GALNT7: variants seen among roughly 807,000 people sequenced by gnomAD.
GALNT7 encodes N-acetylgalactosaminyltransferase 7.
In GALNT7, 60 loss-of-function variants were observed where a neutral mutation model predicts 82.1. That is an observed-to-expected ratio of 0.73 (90% CI 0.59 to 0.91). GALNT7 has a LOEUF of 0.91. Ranked by LOEUF, GALNT7 falls within the 40% of genes least tolerant of loss-of-function variation. The pLI is 0.00. For missense variants in GALNT7, 660 were observed against 804.2 expected, an observed-to-expected ratio of 0.82 and a Z score of 2.17; for synonymous variants, 243 against 275.1, an observed-to-expected ratio of 0.88 and a Z score of 1.15.
At position 173,314,177 on chromosome 4, in the gene GALNT7, G is replaced by A. The variant is rs1737501818; in HGVS notation, c.1608+1G>A. ...ACCCAAAAATGTTGACTGGGGAGAA[G>A]TAAGTAGTCACATCTCAAAATGTAT... On this transcript the variant is annotated splice_donor_variant, in intron 9 of 11. Coordinates refer to ENST00000265000, the MANE Select transcript of GALNT7 (RefSeq NM_017423.3). LOFTEE classifies it high-confidence loss of function. 1.3e-6 allele frequency: 2 copies of A among 1,563,438 alleles called. No homozygotes were observed. The highest frequency in any genetic ancestry group is 1.4e-5 in the African/African-American group (1 of 73,898).
chr4:173,261,392 T>TG (rs1294233051), intron 2 of GALNT7, among the ~76,000 whole-genome samples: 2 of 150,676 alleles, frequency 1.3e-5, no homozygotes, highest in African/African-American at 2.4e-5. Flanking sequence ...TTTTTTTTGT[T>TG]TTTTTTTTTC....
chr4:173,259,940 T>C (rs1232513743), intron 2 of GALNT7, among the ~76,000 whole-genome samples: 5 of 152,086 alleles, frequency 3.3e-5, no homozygotes, highest in African/African-American at 7.2e-5. Context: ...GCCCGGCCCA[T>C]TTCTTGTATT....
intron 1 of GALNT7, among the ~76,000 whole-genome samples, chr4:173,181,171 T>C (rs1402819939): frequency 6.6e-6 from 1 of 152,214 alleles, no homozygotes; most frequent in Non-Finnish European, 1.5e-5. Context: ...TAGATGTTCT[T>C]AAACTAAAAG....
intron 2 of GALNT7, among the ~76,000 whole-genome samples, chr4:173,258,940 A>C (rs1031056348): frequency 6.6e-6 from 1 of 152,234 alleles, no homozygotes; most frequent in African/African-American, 2.4e-5. Flanking sequence ...CAATCTCGGC[A>C]CTTGACATTT....
chr4:173,296,012 A>G (rs929648773), intron 5 of GALNT7, among the ~76,000 whole-genome samples, 169 bp downstream of exon 5: 24 of 152,102 alleles, frequency 1.6e-4, no homozygotes, highest in Admixed American at 4.6e-4. Flanking sequence ...GATACTGTGG[A>G]CTGATTTAAA....
Position 173,323,402 on chromosome 4 carries a change from C to T in GALNT7, c.*1685C>T, listed in dbSNP as rs1737892724. The T allele has an allele frequency of 6.6e-6, 1 of 152,486 alleles. No homozygotes were observed. Among genetic ancestry groups the T allele is most frequent in the African/African-American group, 2.4e-5 (1 of 41,426 alleles). The allele number at this position is 152,486 out of a possible 1,614,324, so 9.4% of individuals were successfully genotyped here. ...TATTTTGCTACTGATCTGTGATCAA[C>T]CATTTTAACTTTCATCTCTAGGGAT... On this transcript the variant is annotated 3_prime_UTR_variant, in exon 12 of 12. Coordinates refer to ENST00000265000, the MANE Select transcript of GALNT7 (RefSeq NM_017423.3).
chr4:173,206,163 G>A (rs953776569), intron 1 of GALNT7, among the ~76,000 whole-genome samples: 14 of 152,172 alleles, frequency 9.2e-5, no homozygotes, highest in African/African-American at 3.4e-4. Context: ...TTTTATTGAG[G>A]CAAGCTTCAT....
At chr4:173,214,408 C>CTGT (rs1733377386) in intron 1 of GALNT7, among the ~76,000 whole-genome samples, 1 of 152,128 alleles carries the variant, frequency 6.6e-6, no homozygotes. Context: ...CCAGATCACT[C>CTGT]TGTAAGGTCA....
chr4:173,239,938 CT>C (rs1238896959), intron 1 of GALNT7, among the ~76,000 whole-genome samples: 1 of 152,122 alleles, frequency 6.6e-6, no homozygotes, highest in African/African-American at 2.4e-5. Flanking sequence ...CTATATACTT[CT>C]GAGTAAATAT....
In GALNT7 at chr4:173,281,346, G is replaced by A. The variant is rs189691743; in HGVS notation, c.588-10762G>A. ...CTTTCCTCACCAGACCCACTATGGG[G>A]ACTTATCTCCATTTTGGCCCTCACT... On this transcript the variant is annotated intron_variant, in intron 2 of 11. Coordinates refer to ENST00000265000, the MANE Select transcript of GALNT7 (RefSeq NM_017423.3). Among the ~76,000 whole-genome samples the A allele has an allele frequency of 2.0e-3, 306 of 152,266 alleles. 2 individuals carry two copies. Among genetic ancestry groups the A allele is most frequent in the African/African-American group, 7.1e-3 (295 of 41,554 alleles).
chr4:173,319,710 T>C (rs1383738239), intron 11 of GALNT7, among the ~76,000 whole-genome samples: 1 of 152,176 alleles, frequency 6.6e-6, no homozygotes, highest in Non-Finnish European at 1.5e-5. Flanking sequence ...GTGTTAGATA[T>C]TACTGAACAT....
At chr4:173,188,674 T>C (rs1438225146) in intron 1 of GALNT7, among the ~76,000 whole-genome samples, 1 of 152,206 alleles carries the variant, frequency 6.6e-6, no homozygotes, top group Non-Finnish European at 1.5e-5. Flanking sequence ...CTCGCTGAAT[T>C]CTGCCTTGAG....
intron 1 of GALNT7, among the ~76,000 whole-genome samples, chr4:173,189,358 C>A (rs1298860811): frequency 6.6e-6 from 1 of 152,174 alleles, no homozygotes; most frequent in African/African-American, 2.4e-5. Flanking sequence ...GAAACCCCAA[C>A]GTTAAGTGGT....
intron 1 of GALNT7, among the ~76,000 whole-genome samples, chr4:173,221,990 C>T (rs149824855): frequency 2.2e-3 from 328 of 152,218 alleles, no homozygotes; most frequent in Non-Finnish European, 3.8e-3. Flanking sequence ...AATACAAGCC[C>T]GAATTCGATT....
At chr4:173,261,073 C>T (rs961389930) in intron 2 of GALNT7, among the ~76,000 whole-genome samples, 4 of 152,162 alleles carry the variant, frequency 2.6e-5, no homozygotes, top group African/African-American at 7.2e-5. Flanking sequence ...GTATAATTGT[C>T]GTCTACATTA....
chr4:173,224,055 T>C (rs768637706), intron 1 of GALNT7, among the ~76,000 whole-genome samples: 7 of 152,218 alleles, frequency 4.6e-5, no homozygotes, highest in Non-Finnish European at 7.3e-5. Flanking sequence ...TTTGGTACTA[T>C]GTGAATATCC....
At chr4:173,226,176 CA>C (rs1319615809) in intron 1 of GALNT7, among the ~76,000 whole-genome samples, 1 of 152,138 alleles carries the variant, frequency 6.6e-6, no homozygotes, top group Non-Finnish European at 1.5e-5. Context: ...ATAATTTCTT[CA>C]AAACAAATTT....
At chr4:173,240,357 ATTTTTTTTT>A (rs869162691) in intron 1 of GALNT7, among the ~76,000 whole-genome samples, 1 of 104,142 alleles carries the variant, frequency 9.6e-6, no homozygotes. Context: ...ACACTGGCTA[ATTTTTTTTT>A]TTTTTTTTTT....
intron 1 of GALNT7, among the ~76,000 whole-genome samples, chr4:173,196,369 C>T (rs1732778785): frequency 6.6e-6 from 1 of 152,138 alleles, no homozygotes; most frequent in Non-Finnish European, 1.5e-5. Context: ...AGGTGATCTA[C>T]CCGCCTCAGC....
Sources: gnomAD v4.1 joint callset for allele counts (sites outside exome capture counted in the v4.1 genomes callset) on GRCh38, gnomAD v4.1.1 for gene constraint, MANE v1.5 for transcripts, NCBI Gene and HGNC (gene_info 2026-07-23, HGNC 2026-07-21) for gene names.